NAALADL2: variants seen among roughly 807,000 people sequenced by gnomAD.
The protein encoded by NAALADL2 is inactive N-acetylated-alpha-linked acidic dipeptidase-like protein 2.
In NAALADL2, 76 loss-of-function variants were observed where a neutral mutation model predicts 87.2. The ratio of observed to expected loss-of-function variants is 0.87; its 90% confidence interval spans 0.72 to 1.05. The LOEUF (loss-of-function observed/expected upper bound fraction) is 1.05, where lower values mean the gene tolerates loss of function less well. NAALADL2 is among the 50% of genes least tolerant of loss of function. The pLI is 0.00. For synonymous variants in NAALADL2, 354 were observed against 331.0 expected (o/e 1.07, Z -0.75); for missense variants, 1,089 against 945.8 (o/e 1.15, Z -1.99).
In NAALADL2 at chr3:175,279,484, AG is replaced by A. The variant is rs201163433; in HGVS notation, c.939+22956del. Among the ~76,000 whole-genome samples the A allele has an allele frequency of 4.0e-3, 606 of 151,830 alleles. 8 individuals are homozygous for A. The highest frequency in any genetic ancestry group is 0.014 in the African/African-American group (567 of 41,406). ...AAATATACCTTTAATTAAAAACATG[AG>A]GTTTTTTTTTTAAAAAAATCTCCAT... On this transcript the variant is annotated intron_variant, in intron 4 of 13. Coordinates refer to ENST00000454872, the MANE Select transcript of NAALADL2 (RefSeq NM_207015.3).
intron 11 of NAALADL2, among the ~76,000 whole-genome samples, chr3:175,701,260 G>A (rs1042633172): frequency 3.9e-5 from 6 of 152,128 alleles, no homozygotes; most frequent in Non-Finnish European, 8.8e-5. Context: ...GGCTTTTCCT[G>A]GTTGGTCTTG....
chr3:175,107,531 CACAA>C (rs1288975470), intron 2 of NAALADL2, among the ~76,000 whole-genome samples: 33 of 150,962 alleles, frequency 2.2e-4, no homozygotes, highest in African/African-American at 4.9e-4. Context: ...CACACACACA[CACAA>C]ACACACACAC....
intron 5 of NAALADL2, among the ~76,000 whole-genome samples, chr3:175,414,281 T>C (rs1012457932): frequency 2.6e-5 from 4 of 152,194 alleles, no homozygotes; most frequent in East Asian, 1.9e-4. Flanking sequence ...CAATGATGAA[T>C]AGTGAATTAA....
intron 1 of NAALADL2, among the ~76,000 whole-genome samples, chr3:174,467,661 A>G (rs1319352939): frequency 2.0e-5 from 3 of 151,244 alleles, no homozygotes; most frequent in Non-Finnish European, 4.4e-5. Context: ...TAAATAAACA[A>G]TTATACTTCC....
At chr3:174,885,909 T>G (rs1730073167) in intron 1 of NAALADL2, among the ~76,000 whole-genome samples, 3 of 42,982 alleles carry the variant, frequency 7.0e-5, no homozygotes, top group African/African-American at 2.3e-4. Flanking sequence ...TTTTTTTTTT[T>G]TTTTTTTTTT....
intron 9 of NAALADL2, among the ~76,000 whole-genome samples, chr3:175,562,399 A>G (rs946676662): frequency 1.3e-5 from 2 of 152,066 alleles, no homozygotes; most frequent in Non-Finnish European, 2.9e-5. Context: ...TATTATGTAC[A>G]TATTATTATG....
chr3:175,262,595 TGTGTG>T (rs1751253173), intron 4 of NAALADL2, among the ~76,000 whole-genome samples: 1 of 151,376 alleles, frequency 6.6e-6, no homozygotes, highest in East Asian at 1.9e-4. Flanking sequence ...TGTGTGTGTG[TGTGTG>T]TGTGTGTGTA....
chr3:174,820,567 G>A (rs181715782), intron 3 of NAALADL2, among the ~76,000 whole-genome samples: 3 of 152,186 alleles, frequency 2.0e-5, no homozygotes, highest in Admixed American at 1.3e-4. Flanking sequence ...TCCTAAAAAT[G>A]TATATGGCAT....
intron 1 of NAALADL2, among the ~76,000 whole-genome samples, chr3:174,449,236 A>G (rs532949421): frequency 4.3e-4 from 65 of 152,286 alleles, no homozygotes; most frequent in South Asian, 1.7e-3. Flanking sequence ...CTTTAAAGAG[A>G]AAATGGTGGA....
chr3:175,007,271 A>G (rs1310848594), intron 1 of NAALADL2, among the ~76,000 whole-genome samples: 1 of 152,062 alleles, frequency 6.6e-6, no homozygotes, highest in Non-Finnish European at 1.5e-5. Flanking sequence ...AGACTTTAGA[A>G]GTAAGTAGGA....
intron 1 of NAALADL2, among the ~76,000 whole-genome samples, chr3:174,987,357 C>G (rs2108684621): frequency 6.6e-6 from 1 of 151,368 alleles, no homozygotes; most frequent in African/African-American, 2.4e-5. Context: ...ATCACGAGGT[C>G]AGGAGATCGA....
chr3:174,963,053 A>G (rs995569398), intron 1 of NAALADL2, among the ~76,000 whole-genome samples: 5 of 152,058 alleles, frequency 3.3e-5, no homozygotes, highest in African/African-American at 4.8e-5. Flanking sequence ...TTATGCGTCC[A>G]ATTATTTTTT....
chr3:174,696,741 G>A (rs553691470), intron 2 of NAALADL2, among the ~76,000 whole-genome samples: 17 of 151,316 alleles, frequency 1.1e-4, no homozygotes, highest in Admixed American at 1.1e-3. Flanking sequence ...TGTGTATTTT[G>A]TAACTGCTTT....
chr3:174,770,860 G>GA (rs935361244), intron 3 of NAALADL2, among the ~76,000 whole-genome samples: 3 of 144,966 alleles, frequency 2.1e-5, no homozygotes, highest in East Asian at 2.0e-4. Flanking sequence ...AAAAAAAAAA[G>GA]AAAAAAAAAG....
At chr3:174,585,605 A>C (rs779406649) in intron 2 of NAALADL2, among the ~76,000 whole-genome samples, 4 of 152,196 alleles carry the variant, frequency 2.6e-5, no homozygotes, top group Admixed American at 2.0e-4. Flanking sequence ...TCTCAGTCAT[A>C]AGCTTCATAG....
chr3:174,755,108 G>T (rs946728350), intron 3 of NAALADL2, among the ~76,000 whole-genome samples: 12 of 152,148 alleles, frequency 7.9e-5, no homozygotes, highest in African/African-American at 2.9e-4. Flanking sequence ...CCCTCATGCT[G>T]TTCTCGTAAT....
intron 2 of NAALADL2, among the ~76,000 whole-genome samples, chr3:174,735,215 GAAGATATAA>G (rs1198871005): frequency 1.3e-5 from 2 of 152,112 alleles, no homozygotes; most frequent in Non-Finnish European, 2.9e-5. Flanking sequence ...CTTGGTATTG[GAAGATATAA>G]AAGGAAAAGA....
chr3:174,716,000 TC>T (rs768450514), intron 2 of NAALADL2, among the ~76,000 whole-genome samples: 7 of 152,164 alleles, frequency 4.6e-5, no homozygotes, highest in Non-Finnish European at 1.0e-4. Context: ...AATTTTTTGT[TC>T]TTCTCATGTT....
At position 175,356,602 on chromosome 3, in the gene NAALADL2, A is replaced by G. The variant is rs187713613; in HGVS notation, c.1090+32277A>G. 4.6e-3 allele frequency among the ~76,000 whole-genome samples: 682 copies of G among 147,490 alleles called. 2 individuals carry two copies. The highest frequency in any genetic ancestry group is 7.1e-3 in the Non-Finnish European group (477 of 66,974). ...AATAATAATAATAATAATAATAATA[A>G]TAATAATAAAGAAATAAAAGAAAAT... On this transcript the variant is annotated intron_variant, in intron 5 of 13. Coordinates refer to ENST00000454872, the MANE Select transcript of NAALADL2 (RefSeq NM_207015.3).
Sources: gnomAD v4.1 joint callset for allele counts (sites outside exome capture counted in the v4.1 genomes callset) on GRCh38, gnomAD v4.1.1 for gene constraint, MANE v1.5 for transcripts, NCBI Gene and HGNC (gene_info 2026-07-23, HGNC 2026-07-21) for gene names.